Variants in SFI1 observed in about 807,000 individuals in gnomAD.
SFI1 encodes SFI1 centrin binding protein, also known as protein SFI1 homolog.
Under a neutral mutation model 207.5 loss-of-function variants are expected in SFI1, and 195 were observed. The observed-to-expected ratio is 0.94, with a 90% CI of 0.84 to 1.06. SFI1 has a LOEUF of 1.06. Ranked by LOEUF, SFI1 falls within the 50% of genes least tolerant of loss-of-function variation. The pLI is 0.00. For missense variants in SFI1, 1,634 were observed against 1,588.0 expected (o/e 1.03, Z -0.49); for synonymous variants, 630 against 598.9 (o/e 1.05, Z -0.76).
chr22:31,527,684 A>G (rs1249620516), intron 2 of SFI1, among the ~76,000 whole-genome samples: 1 of 152,208 alleles, frequency 6.6e-6, no homozygotes, highest in East Asian at 1.9e-4. Context: ...GAGATCAAGA[A>G]TGAGATCAGG....
intron 2 of SFI1, among the ~76,000 whole-genome samples, chr22:31,518,572 G>A (rs2056827818): frequency 6.6e-6 from 1 of 152,024 alleles, no homozygotes; most frequent in Non-Finnish European, 1.5e-5. Flanking sequence ...GTCTTTTTAA[G>A]GAACCAGCTT....
intron 2 of SFI1, among the ~76,000 whole-genome samples, chr22:31,512,725 T>G (rs1044125887): frequency 3.3e-5 from 5 of 151,370 alleles, no homozygotes; most frequent in African/African-American, 1.2e-4. Context: ...CTAGCTCTGT[T>G]GCCCAGGCTG....
intron 31 of SFI1, 141 bp from the exon 32 acceptor site, chr22:31,617,974 C>T (rs2072064314): frequency 3.5e-6 from 3 of 862,654 alleles, no homozygotes; most frequent in Non-Finnish European, 5.2e-6. Flanking sequence ...CAGGGGCCTG[C>T]AGTTCAGGTC....
intron 4 of SFI1, among the ~76,000 whole-genome samples, chr22:31,532,022 T>C (rs1226474358): frequency 1.8e-4 from 27 of 151,850 alleles, no homozygotes; most frequent in Admixed American, 1.7e-3. Flanking sequence ...GATCGCGCCA[T>C]TGCACTCCAG....
intron 4 of SFI1, among the ~76,000 whole-genome samples, chr22:31,535,856 C>T (rs968110489): frequency 1.3e-5 from 2 of 152,152 alleles, no homozygotes; most frequent in African/African-American, 4.8e-5. Context: ...TCTGCCTCTG[C>T]CTCCCAAGTA....
chr22:31,534,133 T>G (rs989650877), intron 4 of SFI1, among the ~76,000 whole-genome samples: 1 of 152,142 alleles, frequency 6.6e-6, no homozygotes, highest in Non-Finnish European at 1.5e-5. Context: ...TTATTTTATT[T>G]TTTGAGACAG....
At chr22:31,604,469 TTTCC>T (rs2045842082) in intron 19 of SFI1, 65 bp downstream of exon 19, 10 of 1,336,280 alleles carry the variant, frequency 7.5e-6, no homozygotes, top group Admixed American at 2.8e-5. Flanking sequence ...GAGACTTTGT[TTTCC>T]TTCCTTGTTC....
chr22:31,543,772 T>A (rs983508964), intron 4 of SFI1, among the ~76,000 whole-genome samples: 3 of 145,618 alleles, frequency 2.1e-5, no homozygotes, highest in Non-Finnish European at 4.5e-5. Flanking sequence ...ATCGCGCCAC[T>A]GCACTCCAGC....
chr22:31,523,618 T>A (rs77999823), intron 2 of SFI1, among the ~76,000 whole-genome samples: 4,188 of 152,160 alleles, frequency 0.028, 149 homozygotes, highest in Admixed American at 0.078. Context: ...GTTATTTCCA[T>A]TTACAGGGGA....
intron 23 of SFI1, 126 bp from the exon 24 acceptor site, chr22:31,611,640 C>A: frequency 1.0e-6 from 1 of 969,516 alleles, no homozygotes. Flanking sequence ...AGACCCCTGG[C>A]ACCATCCAGG....
chr22:31,541,330 A>G (rs759419544), intron 4 of SFI1, among the ~76,000 whole-genome samples: 29 of 151,828 alleles, frequency 1.9e-4, no homozygotes, highest in Non-Finnish European at 3.4e-4. Context: ...CCTTTCTCCT[A>G]TTCTCTTGGT....
At chr22:31,556,677 TA>T (rs1292585498) in intron 6 of SFI1, among the ~76,000 whole-genome samples, 6 of 152,228 alleles carry the variant, frequency 3.9e-5, no homozygotes. Flanking sequence ...TCTATAGAAA[TA>T]AGCGCTTTTA....
chr22:31,595,983 C>T (rs781482364), intron 15 of SFI1, among the ~76,000 whole-genome samples: 4 of 151,980 alleles, frequency 2.6e-5, no homozygotes, highest in South Asian at 2.1e-4. Context: ...CCAGGTGTGG[C>T]GGCTCATGCC....
chr22:31,581,725 C>G (rs1413635016), intron 12 of SFI1, among the ~76,000 whole-genome samples: 1 of 151,750 alleles, frequency 6.6e-6, no homozygotes, highest in Non-Finnish European at 1.5e-5. Context: ...ATTTTTTTCC[C>G]TGTTACTATT....
chr22:31,533,647 G>A (rs1159269992), intron 4 of SFI1, among the ~76,000 whole-genome samples: 1 of 151,922 alleles, frequency 6.6e-6, no homozygotes, highest in African/African-American at 2.4e-5. Flanking sequence ...TTACTCCCTT[G>A]TTTTCAGCTG....
intron 5 of SFI1, 123 bp from the exon 6 acceptor site, chr22:31,550,131 A>C (rs993020634): frequency 1.6e-6 from 1 of 617,100 alleles, no homozygotes; most frequent in Admixed American, 2.9e-5. Context: ...GTTTCACCAT[A>C]TCGGCCAGGC....
At chr22:31,529,770 AG>A (rs201170589) in intron 3 of SFI1, among the ~76,000 whole-genome samples, 1,755 of 152,252 alleles carry the variant, frequency 0.012, 10 homozygotes, top group Middle Eastern at 0.031. Context: ...TACTCTCTGG[AG>A]GAAGTGGAGT....
chr22:31,616,444 G>A, intron 29 of SFI1: 2 of 342,794 alleles, frequency 5.8e-6, no homozygotes, highest in Non-Finnish European at 1.1e-5. Context: ...TGGGGGTGGA[G>A]GGTTGGGTAA....
At chr22:31,595,252 T>C (rs1389758902) in intron 15 of SFI1, among the ~76,000 whole-genome samples, 2 of 152,168 alleles carry the variant, frequency 1.3e-5, no homozygotes, top group African/African-American at 2.4e-5. Flanking sequence ...CGCCTTGGCC[T>C]CCCAAAGTGC....
Sources: allele counts gnomAD v4.1 joint callset (sites outside exome capture counted in the v4.1 genomes callset), GRCh38; gene constraint gnomAD v4.1.1; transcripts MANE v1.5; gene names NCBI Gene and HGNC (gene_info 2026-07-23, HGNC 2026-07-21).